Variants in RPIA observed in about 807,000 individuals in gnomAD.
RPIA encodes the protein ribose 5-phosphate isomerase A, also known as ribose-5-phosphate isomerase.
Under a neutral mutation model 37.8 loss-of-function variants are expected in RPIA, and 29 were observed. That is an observed-to-expected ratio of 0.77 (90% confidence interval 0.57 to 1.05). The LOEUF is 1.05. Among genes scored for constraint, RPIA ranks in the 50% least tolerant of loss-of-function variants. The pLI is 0.00. For missense variants in RPIA, 385 were observed against 413.6 expected (o/e 0.93, Z 0.60); for synonymous variants, 167 against 157.0 (o/e 1.06, Z -0.48).
At chr2:88,740,891 T>C (rs564211087) in intron 8 of RPIA, among the ~76,000 whole-genome samples, 2 of 152,278 alleles carry the variant, frequency 1.3e-5, no homozygotes, top group African/African-American at 4.8e-5. Flanking sequence ...GGGTCTTGAG[T>C]GGCTACTTTG....
chr2:88,698,480 G>A lies in RPIA; in HGVS notation c.286-4G>A. ...TTTGTTTTTTCTTCCCCGTTTTTTG[G>A]CAGAATAACCAAGTGCTGGGAATTG... On this transcript the variant is annotated splice_polypyrimidine_tract_variant and splice_region_variant and intron_variant, in intron 1 of 8. Coordinates refer to ENST00000283646, the MANE Select transcript of RPIA (RefSeq NM_144563.3). The A allele has an allele frequency of 6.2e-7, 1 of 1,613,844 alleles. No homozygotes were observed. The highest frequency in any genetic ancestry group is 8.5e-7 in the Non-Finnish European group (1 of 1,179,830).
chr2:88,728,028 T>A (rs1417503256), intron 3 of RPIA, among the ~76,000 whole-genome samples: 2 of 152,142 alleles, frequency 1.3e-5, no homozygotes, highest in African/African-American at 4.8e-5. Context: ...TACCTAAATA[T>A]CCCCCTGAAT....
chr2:88,719,630 A>T (rs1020363282), intron 3 of RPIA, among the ~76,000 whole-genome samples: 1 of 152,180 alleles, frequency 6.6e-6, no homozygotes, highest in African/African-American at 2.4e-5. Flanking sequence ...TAACCTAAGG[A>T]TTTAAAAAAG....
intron 3 of RPIA, among the ~76,000 whole-genome samples, chr2:88,724,174 C>T (rs76005125): frequency 0.061 from 9,277 of 152,200 alleles, 500 homozygotes; most frequent in African/African-American, 0.14. Context: ...GTTGTTGTTT[C>T]TGTGACCTGC....
intron 3 of RPIA, among the ~76,000 whole-genome samples, chr2:88,719,421 A>G (rs1270481289): frequency 6.6e-6 from 1 of 152,198 alleles, no homozygotes; most frequent in East Asian, 1.9e-4. Context: ...TATAATTTTT[A>G]TACCAAATAA....
chr2:88,747,989 A>G (rs1314895641), intron 8 of RPIA, among the ~76,000 whole-genome samples: 2 of 152,128 alleles, frequency 1.3e-5, no homozygotes, highest in South Asian at 4.1e-4. Flanking sequence ...CCTGTCTTCT[A>G]TTGCCATTTT....
Position 88,738,101 on chromosome 2 carries a change from C to A in RPIA, c.838+25C>A. The A allele has an allele frequency of 2.6e-6, 4 of 1,519,826 alleles. No homozygotes were observed. The South Asian group carries it at 3.4e-5, about 13-fold the overall frequency. The allele number at this position is 1,519,826 out of a possible 1,614,324, so 94.1% of individuals were successfully genotyped here. The stretch of plus-strand genomic sequence containing the variant: ...GGTAACATGAGTGGTGTTCACCAGT[C>A]ATATACACACCCATGGCCTTCATAA... On this transcript the variant is annotated intron_variant, in intron 8 of 8. Transcript: ENST00000283646.
intron 5 of RPIA, among the ~76,000 whole-genome samples, chr2:88,735,056 G>A (rs1359046897): frequency 6.6e-6 from 1 of 152,204 alleles, no homozygotes; most frequent in Non-Finnish European, 1.5e-5. Flanking sequence ...TTGGGGAGTG[G>A]TGGGAATGGT....
At chr2:88,697,464 A>G (rs543653224) in intron 1 of RPIA, among the ~76,000 whole-genome samples, 13 of 152,348 alleles carry the variant, frequency 8.5e-5, no homozygotes, top group Non-Finnish European at 1.5e-4. Flanking sequence ...ACTGAGCTGC[A>G]TATTAGTTCC....
chr2:88,728,082 G>T (rs1400231633), intron 3 of RPIA, among the ~76,000 whole-genome samples: 1 of 152,038 alleles, frequency 6.6e-6, no homozygotes, highest in Non-Finnish European at 1.5e-5. Flanking sequence ...TCATTTCATT[G>T]TATATATTTC....
At chr2:88,692,743 C>A (rs1372959264) in intron 1 of RPIA, among the ~76,000 whole-genome samples, 1 of 152,052 alleles carries the variant, frequency 6.6e-6, no homozygotes, top group Non-Finnish European at 1.5e-5. Context: ...GTGTAGTTTC[C>A]TTGGTCTTAT....
intron 3 of RPIA, among the ~76,000 whole-genome samples, chr2:88,725,474 C>T (rs562276964): frequency 2.0e-5 from 3 of 152,218 alleles, no homozygotes; most frequent in East Asian, 1.9e-4. Flanking sequence ...CTAACTCTCT[C>T]GGTGGGTTGC....
At position 88,738,672 on chromosome 2, in the gene RPIA, A is replaced by G. The variant is rs912893024; in HGVS notation, c.838+596A>G. On this transcript the variant is annotated intron_variant, in intron 8 of 8. Coordinates refer to ENST00000283646, the MANE Select transcript of RPIA (RefSeq NM_144563.3). Reference sequence around the variant, plus strand: ...GAATACCAAGAGTCTAGAGTGCACAAAAAGTTTCTTTTTGGGAGAATGTGA... The same window carrying G: ...GAATACCAAGAGTCTAGAGTGCACAGAAAGTTTCTTTTTGGGAGAATGTGA... Among the ~76,000 whole-genome samples, 8 of 152,344 alleles carry G rather than the reference A, an allele frequency of 5.3e-5. No homozygotes were observed. The East Asian group carries it at 1.3e-3, about 26-fold the overall frequency.
At position 88,750,357 on chromosome 2, in the gene RPIA, CA is replaced by C. The variant is rs113052379; in HGVS notation, c.*291del. On this transcript the variant is annotated 3_prime_UTR_variant, in exon 9 of 9. Coordinates refer to ENST00000283646, the MANE Select transcript of RPIA (RefSeq NM_144563.3). ...TTCATGTTTTATATGAAATATTTAC[CA>C]AAAAAAAAAAATGAGGTAAACTGTA... 32,912 of 305,434 alleles carry C rather than the reference CA, an allele frequency of 0.11. 87 individuals are homozygous for C. Among genetic ancestry groups the C allele is most frequent in the Non-Finnish European group, 0.13 (21,924 of 170,252 alleles). The allele number at this position is 305,434 out of a possible 1,614,324, so 18.9% of individuals were successfully genotyped here.
rs1383580031 is a variant in RPIA, at chr2:88,736,543, C to T, written c.605C>T (p.Ser202Leu). 2.5e-6 allele frequency: 4 copies of T among 1,614,106 alleles called. No homozygotes were observed. The Admixed American group carries it at 5.0e-5, about 20-fold the overall frequency. Residue 202 changes from serine to leucine, a missense_variant, in exon 7 of 9, where the codon TCG (serine) becomes TTG (leucine). This residue lies in a region of RPIA where 153 missense variants were observed against 210.6 expected (regional missense o/e 0.73). Coordinates refer to ENST00000283646, the MANE Select transcript of RPIA (RefSeq NM_144563.3). Reference protein sequence around the residue: ...FIVIADFRKDSKNLGDQWHKG... With the variant: ...FIVIADFRKDLKNLGDQWHKG... Reference sequence around the variant, plus strand: ...TGACTCCTTCTTTCCAGGAAAGATTCGAAGAATCTCGGGGATCAGTGGCAC... The same window carrying T: ...TGACTCCTTCTTTCCAGGAAAGATTTGAAGAATCTCGGGGATCAGTGGCAC...
chr2:88,723,771 C>T lies in RPIA; in HGVS notation c.403-5507C>T, dbSNP rs139567973. On this transcript the variant is annotated intron_variant, in intron 3 of 8. Transcript: ENST00000283646. ...TGTGACACACCTCAGGAGGTCCTGA[C>T]GACATGTGCCCAAGGTGGTCAGAGC... is the stretch of plus-strand genomic sequence containing the variant. Among the ~76,000 whole-genome samples, 910 of 152,088 alleles carry T rather than the reference C, an allele frequency of 6.0e-3. 14 individuals are homozygous for T. The highest frequency in any genetic ancestry group is 0.021 in the African/African-American group (875 of 41,494).
chr2:88,727,114 C>T (rs1028189920), intron 3 of RPIA, among the ~76,000 whole-genome samples: 4 of 151,940 alleles, frequency 2.6e-5, no homozygotes, highest in African/African-American at 9.7e-5. Context: ...CATGTGTGCG[C>T]GTGCATGTGT....
At chr2:88,702,293 T>C (rs1672841845) in intron 3 of RPIA, among the ~76,000 whole-genome samples, 1 of 152,250 alleles carries the variant, frequency 6.6e-6, no homozygotes, top group African/African-American at 2.4e-5. Context: ...CTAAAACAGC[T>C]ACAGTCTCAT....
intron 3 of RPIA, among the ~76,000 whole-genome samples, chr2:88,715,770 A>G (rs1673027263): frequency 6.6e-6 from 1 of 152,182 alleles, no homozygotes; most frequent in African/African-American, 2.4e-5. Flanking sequence ...GTTGTCCATC[A>G]GTGTTCCAGC....
Sources: allele counts gnomAD v4.1 joint callset (sites outside exome capture counted in the v4.1 genomes callset), GRCh38; gene constraint gnomAD v4.1.1; regional missense constraint gnomAD v4.1.1; transcripts MANE v1.5; gene names NCBI Gene and HGNC (gene_info 2026-07-23, HGNC 2026-07-21).